The following TENT5C variants were observed in gnomAD, a reference collection of about 807,000 sequenced individuals.
TENT5C encodes terminal nucleotidyltransferase 5C, also known as family with sequence similarity 46 member C.
A neutral mutation model predicts 22.2 loss-of-function variants in TENT5C; 5 were observed. The observed-to-expected ratio is 0.22, with a 90% CI of 0.12 to 0.47. The LOEUF (loss-of-function observed/expected upper bound fraction) is 0.47. Ranked by LOEUF, TENT5C falls within the 20% of genes least tolerant of loss-of-function variation. The probability of loss-of-function intolerance (pLI) is 0.99; values close to 1 mark genes in which losing one functional copy is unlikely to be tolerated. For synonymous variants in TENT5C, 199 were observed against 195.4 expected, an observed-to-expected ratio of 1.02 and a Z score of -0.15; for missense variants, 364 against 500.9, an observed-to-expected ratio of 0.73 and a Z score of 2.61.
chr1:117,608,079 T>TAAAAAATAAA (rs1653581736), intron 1 of TENT5C, among the ~76,000 whole-genome samples: 1 of 141,212 alleles, frequency 7.1e-6, no homozygotes. Context: ...TAACAAAGTT[T>TAAAAAATAAA]AAAAAAAAAA....
Position 117,627,079 on chromosome 1 carries a change from G to C in TENT5C, c.*3035G>C. On this transcript the variant is annotated 3_prime_UTR_variant, in exon 2 of 2. Coordinates refer to ENST00000369448, the MANE Select transcript of TENT5C (RefSeq NM_017709.4). ...TGCCTTCCAATCAGAGTTCCTGATG[G>C]GGATGCCTGTGGGATGGCCCACACC... The C allele has an allele frequency of 4.0e-6, 1 of 248,170 alleles. No individual in the cohort carries two copies. Among genetic ancestry groups the C allele is most frequent in the East Asian group, 6.0e-5 (1 of 16,598 alleles). The allele number at this position is 248,170 out of a possible 1,614,324, so 15.4% of individuals were successfully genotyped here.
rs922454026 is a variant in TENT5C at position 117,626,393 on chromosome 1, T to C, written c.*2349T>C. 8.9e-5 allele frequency: 22 copies of C among 247,936 alleles called. No homozygotes were observed. Among genetic ancestry groups the C allele is most frequent in the African/African-American group, 4.9e-4 (22 of 45,334 alleles). The allele number at this position is 247,936 out of a possible 1,614,324, so 15.4% of individuals were successfully genotyped here. A position where few individuals can be genotyped will look rare whatever the true frequency, so the allele number is the denominator to read the frequency against. On this transcript the variant is annotated 3_prime_UTR_variant, in exon 2 of 2. Transcript: ENST00000369448. ...AGTCTTTGCCACCATTGCACCATGGTTGTCTCGGAGTCCCTTCACCTGACC... is the reference window on the plus strand; with the variant it reads ...AGTCTTTGCCACCATTGCACCATGGCTGTCTCGGAGTCCCTTCACCTGACC...
Position 117,624,246 on chromosome 1 carries a change from A to G in TENT5C, c.*202A>G, listed in dbSNP as rs1012666002. ...AGCCAACCCTCAAAGGACCCGTATT[A>G]CAGTGCCACGTTGGAAAACGCTACA... is the stretch of plus-strand genomic sequence containing the variant. On this transcript the variant is annotated 3_prime_UTR_variant, in exon 2 of 2. Transcript: ENST00000369448. The G allele has an allele frequency of 1.1e-5, 6 of 566,464 alleles. No homozygotes were observed. The highest frequency in any genetic ancestry group is 1.9e-5 in the African/African-American group (1 of 51,944). The allele number at this position is 566,464 out of a possible 1,614,324, so 35.1% of individuals were successfully genotyped here. A position where few individuals can be genotyped will look rare whatever the true frequency, so the allele number is the denominator to read the frequency against.
At chr1:117,620,213 G>T (rs946037729) in intron 1 of TENT5C, among the ~76,000 whole-genome samples, 1 of 152,122 alleles carries the variant, frequency 6.6e-6, no homozygotes, top group African/African-American at 2.4e-5. Flanking sequence ...CCTACATGAC[G>T]TCTTTTTGAA....
At chr1:117,612,791 A>T (rs1201169813) in intron 1 of TENT5C, among the ~76,000 whole-genome samples, 2 of 152,226 alleles carry the variant, frequency 1.3e-5, no homozygotes, top group Admixed American at 1.3e-4. Context: ...CATTTGAGGA[A>T]CTAAGAGTTG....
chr1:117,615,795 T>G (rs538490388), intron 1 of TENT5C, among the ~76,000 whole-genome samples: 1 of 152,370 alleles, frequency 6.6e-6, no homozygotes, highest in East Asian at 1.9e-4. Context: ...CCACCTGGCA[T>G]CTTTTGCTTA....
rs751213933 is a variant in TENT5C at position 117,623,033 on chromosome 1, C to T, written c.165C>T (p.Val55=). 1.2e-6 allele frequency: 2 copies of T among 1,614,224 alleles called. No homozygotes were observed. Among genetic ancestry groups the T allele is most frequent in the Non-Finnish European group, 1.7e-6 (2 of 1,180,036 alleles). Residue 55 remains valine (V), a synonymous_variant, in exon 2 of 2, where the codon GTC becomes GTT. Coordinates refer to ENST00000369448, the MANE Select transcript of TENT5C (RefSeq NM_017709.4). ...CTCTGAAGGACATCGTCCAGACCGT[C>T]CGCAGTCGGCTGGAGGAGGCAGGCA... ...EITLKDIVQT[V]RSRLEEAGIK...
At chr1:117,619,894 CTGTTTCAATT>C (rs1653858349) in intron 1 of TENT5C, among the ~76,000 whole-genome samples, 1 of 152,110 alleles carries the variant, frequency 6.6e-6, no homozygotes, top group Admixed American at 6.5e-5. Flanking sequence ...CAATAACATG[CTGTTTCAATT>C]ATTGTGGTTT....
intron 1 of TENT5C, among the ~76,000 whole-genome samples, chr1:117,606,501 C>T (rs939028563): frequency 1.3e-5 from 2 of 152,214 alleles, no homozygotes; most frequent in Non-Finnish European, 2.9e-5. Context: ...CAGGCGCGGG[C>T]AGGGCGTCTG....
intron 1 of TENT5C, among the ~76,000 whole-genome samples, chr1:117,609,277 A>G (rs1653613079): frequency 6.6e-6 from 1 of 152,250 alleles, no homozygotes; most frequent in Non-Finnish European, 1.5e-5. Flanking sequence ...GCATCTTTAT[A>G]TAGTTCAACT....
At chr1:117,612,276 C>T (rs1329595948) in intron 1 of TENT5C, among the ~76,000 whole-genome samples, 1 of 151,208 alleles carries the variant, frequency 6.6e-6, no homozygotes, top group Admixed American at 6.6e-5. Flanking sequence ...AACTTACTGA[C>T]AGTCATTCAC....
chr1:117,620,395 A>G (rs770795466), intron 1 of TENT5C, among the ~76,000 whole-genome samples: 3 of 152,190 alleles, frequency 2.0e-5, no homozygotes, highest in Admixed American at 1.3e-4. Flanking sequence ...TGTCATAAAG[A>G]TGAGCTTTGA....
intron 1 of TENT5C, among the ~76,000 whole-genome samples, chr1:117,616,309 C>G (rs1171779291): frequency 6.6e-6 from 1 of 152,166 alleles, no homozygotes; most frequent in Non-Finnish European, 1.5e-5. Context: ...ATTTCACAAG[C>G]AAAGAAGAGA....
At chr1:117,610,459 C>T (rs914364551) in intron 1 of TENT5C, among the ~76,000 whole-genome samples, 2 of 152,256 alleles carry the variant, frequency 1.3e-5, no homozygotes, top group Admixed American at 6.5e-5. Context: ...AGGCCCTTCC[C>T]ACAGGCTTCT....
intron 1 of TENT5C, among the ~76,000 whole-genome samples, chr1:117,618,334 T>G (rs1428919170): frequency 2.6e-5 from 4 of 152,060 alleles, no homozygotes; most frequent in Non-Finnish European, 5.9e-5. Flanking sequence ...AAAAAAAAAT[T>G]TCTTTTGGTT....
chr1:117,628,037 C>G lies in TENT5C; in HGVS notation c.*3993C>G, dbSNP rs988480364. Reference sequence around the variant, plus strand: ...TGACCATCTACTAAAGAGGAAGTAGCTAAATACAGATCTGTGGGTGTTTTT... The same window carrying G: ...TGACCATCTACTAAAGAGGAAGTAGGTAAATACAGATCTGTGGGTGTTTTT... On this transcript the variant is annotated 3_prime_UTR_variant, in exon 2 of 2. Coordinates refer to ENST00000369448, the MANE Select transcript of TENT5C (RefSeq NM_017709.4). 4.0e-6 allele frequency: 1 copy of G among 247,870 alleles called. No homozygotes were observed. The highest frequency in any genetic ancestry group is 2.2e-5 in the African/African-American group (1 of 45,296). The allele number at this position is 247,870 out of a possible 1,614,324, so 15.4% of individuals were successfully genotyped here.
Position 117,627,055 on chromosome 1 carries a change from GC to G in TENT5C, c.*3013del, listed in dbSNP as rs1260506096. On this transcript the variant is annotated 3_prime_UTR_variant, in exon 2 of 2. Transcript: ENST00000369448. Reference sequence around the variant, plus strand: ...GCTGAAACTGAACTCTATTACTAATGCCTTCCAATCAGAGTTCCTGATGGGG... The same window carrying G: ...GCTGAAACTGAACTCTATTACTAATGCTTCCAATCAGAGTTCCTGATGGGG... The G allele has an allele frequency of 4.0e-6, 1 of 248,024 alleles. No individual in the cohort carries two copies. Among genetic ancestry groups the G allele is most frequent in the Non-Finnish European group, 8.5e-6 (1 of 118,122 alleles). The allele number at this position is 248,024 out of a possible 1,614,324, so 15.4% of individuals were successfully genotyped here. A position where few individuals can be genotyped will look rare whatever the true frequency, so the allele number is the denominator to read the frequency against.
chr1:117,625,752 T>G lies in TENT5C; in HGVS notation c.*1708T>G. ...GTTTACCTTTTTTTCTAAAAGTATA[T>G]TTTCAAGTTTATTCTGGAATGTGAT... On this transcript the variant is annotated 3_prime_UTR_variant, in exon 2 of 2. Transcript: ENST00000369448. The G allele has an allele frequency of 4.0e-6, 1 of 248,138 alleles. No homozygotes were observed. The highest frequency in any genetic ancestry group is 8.5e-6 in the Non-Finnish European group (1 of 118,114). 15.4% of individuals were successfully genotyped at this position (248,138 alleles called of 1,614,324 possible).
At chr1:117,616,429 T>C (rs1412230067) in intron 1 of TENT5C, among the ~76,000 whole-genome samples, 1 of 152,214 alleles carries the variant, frequency 6.6e-6, no homozygotes, top group African/African-American at 2.4e-5. Context: ...CTCTAGGTTT[T>C]CATATGTAAT....
Sources: allele counts gnomAD v4.1 joint callset (sites outside exome capture counted in the v4.1 genomes callset), GRCh38; gene constraint gnomAD v4.1.1; transcripts MANE v1.5; gene names NCBI Gene and HGNC (gene_info 2026-07-23, HGNC 2026-07-21).